The following EBF2 variants were observed in gnomAD, a reference collection of about 807,000 sequenced individuals.
The protein encoded by EBF2 is transcription factor COE2.
In EBF2, 21 loss-of-function variants were observed where a neutral mutation model predicts 72.8. That is an observed-to-expected ratio of 0.29 (90% CI 0.20 to 0.42). The LOEUF (loss-of-function observed/expected upper bound fraction) is 0.42. Among genes scored for constraint, EBF2 ranks in the 10% least tolerant of loss-of-function variants. EBF2 has a pLI of 1.00. For synonymous variants in EBF2, 299 were observed against 274.2 expected (o/e 1.09, Z -0.89); for missense variants, 637 against 731.2 (o/e 0.87, Z 1.49).
At chr8:25,963,110 G>A (rs912309520) in intron 6 of EBF2, among the ~76,000 whole-genome samples, 22 of 152,176 alleles carry the variant, frequency 1.4e-4, no homozygotes, top group African/African-American at 5.3e-4. Context: ...TCCTGTTGTT[G>A]ATATCCCTTT....
At chr8:25,923,609 A>T (rs1803340163) in intron 6 of EBF2, among the ~76,000 whole-genome samples, 2 of 152,222 alleles carry the variant, frequency 1.3e-5, no homozygotes, top group South Asian at 4.1e-4. Flanking sequence ...GTTTTGCAAT[A>T]CAAGTTCTAA....
intron 6 of EBF2, among the ~76,000 whole-genome samples, chr8:25,987,032 G>T (rs1417206820): frequency 7.0e-6 from 1 of 142,212 alleles, no homozygotes; most frequent in Non-Finnish European, 1.6e-5. Context: ...CACTGGTCTA[G>T]ATTTTACCCT....
intron 6 of EBF2, among the ~76,000 whole-genome samples, chr8:26,004,539 G>A (rs1232035897): frequency 1.3e-5 from 2 of 151,816 alleles, no homozygotes; most frequent in Admixed American, 1.3e-4. Context: ...GCTGGGCGTG[G>A]TGGCATACGC....
At chr8:25,919,829 G>A (rs1165804424) in intron 6 of EBF2, among the ~76,000 whole-genome samples, 1 of 152,060 alleles carries the variant, frequency 6.6e-6, no homozygotes, top group African/African-American at 2.4e-5. Context: ...CAACCTCCTG[G>A]GGCTATCTAT....
At chr8:25,850,166 G>A (rs1563373450) in intron 15 of EBF2, among the ~76,000 whole-genome samples, 1 of 152,146 alleles carries the variant, frequency 6.6e-6, no homozygotes, top group South Asian at 2.1e-4. Flanking sequence ...AGGCTGGAGT[G>A]CAATGGCGCG....
chr8:25,926,528 C>T (rs1803390627), intron 6 of EBF2, among the ~76,000 whole-genome samples: 1 of 152,176 alleles, frequency 6.6e-6, no homozygotes, highest in South Asian at 2.1e-4. Flanking sequence ...GTGGATGTAT[C>T]TTTGTCTGTA....
intron 14 of EBF2, among the ~76,000 whole-genome samples, chr8:25,856,318 CAAAT>C (rs1215253629): frequency 6.6e-6 from 1 of 152,074 alleles, no homozygotes; most frequent in Admixed American, 6.6e-5. Flanking sequence ...TCAAAATGGT[CAAAT>C]AGAGGGAATT....
intron 6 of EBF2, among the ~76,000 whole-genome samples, chr8:26,017,154 T>TAAA (rs760786092): frequency 2.9e-4 from 40 of 139,422 alleles, no homozygotes; most frequent in South Asian, 4.7e-4. Context: ...TCCCCTTATT[T>TAAA]AAAAAAAAAA....
At chr8:26,008,570 G>A (rs975010363) in intron 6 of EBF2, among the ~76,000 whole-genome samples, 1 of 152,118 alleles carries the variant, frequency 6.6e-6, no homozygotes, top group Admixed American at 6.5e-5. Context: ...TGAGATCACT[G>A]TAATTAATAG....
At position 26,045,408 on chromosome 8, in the gene EBF2, G is replaced by C. The variant is rs933721536; in HGVS notation, c.-549C>G. The stretch of plus-strand genomic sequence containing the variant: ...GCGGGCCCCATGAATGGGTTACTAC[G>C]GCCCTGGCTGCGGGAGGCGGAGCTG... On this transcript the variant is annotated 5_prime_UTR_variant, in exon 1 of 16. Transcript: ENST00000520164. 1.3e-5 allele frequency: 2 copies of C among 152,246 alleles called. No individual in the cohort carries two copies. Among genetic ancestry groups the C allele is most frequent in the African/African-American group, 4.8e-5 (2 of 41,452 alleles). The allele number at this position is 152,246 out of a possible 1,614,324, so 9.4% of individuals were successfully genotyped here.
At chr8:25,919,070 G>A (rs1017013768) in intron 6 of EBF2, among the ~76,000 whole-genome samples, 1 of 152,076 alleles carries the variant, frequency 6.6e-6, no homozygotes, top group African/African-American at 2.4e-5. Context: ...GTATCCATTC[G>A]GTAATTATTA....
intron 5 of EBF2, among the ~76,000 whole-genome samples, chr8:26,038,093 A>G (rs1805533817): frequency 6.6e-6 from 1 of 152,228 alleles, no homozygotes; most frequent in South Asian, 2.1e-4. Flanking sequence ...TGGAGTATCA[A>G]CCAGCTCTAA....
chr8:26,027,671 A>G (rs943686833), intron 6 of EBF2, among the ~76,000 whole-genome samples: 42 of 60,962 alleles, frequency 6.9e-4, no homozygotes, highest in African/African-American at 2.4e-3. Flanking sequence ...TCATATACTC[A>G]TGTCCACAGC....
rs1802715926 is a variant in EBF2 at position 25,887,763 on chromosome 8, T to G, written c.882+79A>C. The G allele has an allele frequency of 1.8e-5, 26 of 1,423,258 alleles. 1 individual carries two copies. The South Asian group carries it at 4.7e-4, about 26-fold the overall frequency. 88.2% of individuals were successfully genotyped at this position (1,423,258 alleles called of 1,614,324 possible). Reference sequence around the variant, plus strand: ...TATGACTTTTATGCTTTTTTACCCTTGGTGTTTGTGCTAGTTTCCCAGATC... The same window carrying G: ...TATGACTTTTATGCTTTTTTACCCTGGGTGTTTGTGCTAGTTTCCCAGATC... On this transcript the variant is annotated intron_variant, in intron 9 of 15. Transcript: ENST00000520164.
intron 6 of EBF2, among the ~76,000 whole-genome samples, chr8:26,028,934 G>T (rs1805348204): frequency 6.6e-6 from 1 of 152,146 alleles, no homozygotes; most frequent in Admixed American, 6.5e-5. Flanking sequence ...GCTGTGTTTT[G>T]GTCTAGGCTT....
intron 6 of EBF2, among the ~76,000 whole-genome samples, chr8:25,910,338 T>G (rs1264979969): frequency 1.3e-5 from 2 of 152,184 alleles, no homozygotes; most frequent in Non-Finnish European, 2.9e-5. Flanking sequence ...TAGCCCCCGC[T>G]GCACCCCACA....
intron 6 of EBF2, among the ~76,000 whole-genome samples, chr8:26,026,576 G>T (rs900594779): frequency 6.6e-6 from 1 of 152,142 alleles, no homozygotes; most frequent in Non-Finnish European, 1.5e-5. Flanking sequence ...CCTCAGTCAC[G>T]CCGAGGATGG....
At chr8:26,010,748 C>T (rs1177497231) in intron 6 of EBF2, among the ~76,000 whole-genome samples, 1 of 152,136 alleles carries the variant, frequency 6.6e-6, no homozygotes, top group Non-Finnish European at 1.5e-5. Context: ...TGCCTTCTTC[C>T]CTCGATACGA....
intron 6 of EBF2, among the ~76,000 whole-genome samples, chr8:26,001,128 C>A (rs574190197): frequency 6.6e-6 from 1 of 152,312 alleles, no homozygotes; most frequent in East Asian, 1.9e-4. Context: ...CAAGTGCATG[C>A]TAAGTGGCAG....
Sources: allele counts gnomAD v4.1 joint callset (sites outside exome capture counted in the v4.1 genomes callset), GRCh38; gene constraint gnomAD v4.1.1; transcripts MANE v1.5; gene names NCBI Gene and HGNC (gene_info 2026-07-23, HGNC 2026-07-21).